Variants in ABCA7 observed in about 807,000 individuals in gnomAD.
The protein encoded by ABCA7 is phospholipid-transporting ATPase ABCA7.
ABCA7 carries 261 observed loss-of-function variants against 227.6 expected under a neutral mutation model. That is an observed-to-expected ratio of 1.15 (90% CI 1.04 to 1.27). The LOEUF is 1.27. ABCA7 is among the 50% of genes most tolerant of loss of function. The probability of loss-of-function intolerance (pLI) is 0.00; values close to 1 mark genes in which losing one functional copy is unlikely to be tolerated. For synonymous variants in ABCA7, 1,488 were observed against 1,279.7 expected (o/e 1.16, Z -3.47); for missense variants, 3,331 against 2,924.5 (o/e 1.14, Z -3.21).
intron 35 of ABCA7, 112 bp downstream of exon 35, chr19:1,057,541 C>A: frequency 9.2e-7 from 1 of 1,090,800 alleles, no homozygotes; most frequent in Non-Finnish European, 1.4e-6. Flanking sequence ...ATATGGAGGT[C>A]TGAGGTGATG....
intron 16 of ABCA7, 86 bp from the exon 17 acceptor site, chr19:1,048,808 CA>C (rs375803635): frequency 0.051 from 25,145 of 490,208 alleles, 6 homozygotes; most frequent in Middle Eastern, 0.077. Context: ...GACTCCGTCT[CA>C]AAAAAAAAAA....
At position 1,054,767 on chromosome 19, in the gene ABCA7, C is replaced by T. The variant is rs1324020593; in HGVS notation, c.3852-13C>T. 1.9e-6 allele frequency: 3 copies of T among 1,607,504 alleles called. No homozygotes were observed. Among genetic ancestry groups the T allele is most frequent in the South Asian group, 1.1e-5 (1 of 90,378 alleles). ...GGGTACAGCCCTGACCCTACATCTCCCCTCACACACAGTGAGGACGCCCCA... is the reference window on the plus strand; with the variant it reads ...GGGTACAGCCCTGACCCTACATCTCTCCTCACACACAGTGAGGACGCCCCA... On this transcript the variant is annotated splice_polypyrimidine_tract_variant and intron_variant, in intron 28 of 46. Coordinates refer to ENST00000263094, the MANE Select transcript of ABCA7 (RefSeq NM_019112.4). This position sits in a 1 kb window ranked among gnomAD's most constrained non-coding sequence, Gnocchi z 4.8.
chr19:1,047,766 G>A, intron 16 of ABCA7, 112 bp downstream of exon 16: 5 of 1,241,424 alleles, frequency 4.0e-6, no homozygotes, highest in Non-Finnish European at 5.4e-6. Flanking sequence ...TATTCCCTTG[G>A]AGAGAAGGCG....
In ABCA7 at chr19:1,041,918, C is replaced by G; in HGVS notation, c.248C>G (p.Pro83Arg). 1 of 1,600,564 alleles carries G rather than the reference C, an allele frequency of 6.2e-7. No individual in the cohort carries two copies. The highest frequency in any genetic ancestry group is 8.5e-7 in the Non-Finnish European group (1 of 1,178,126). ...LICNVNNTCF[P>R]QLTPGEEPGR... is the part of the protein sequence containing the mutation. ...TGTAATGTGAACAACACCTGCTTTCCGCAGCTGACACCGGGCGAGGAGCCC... is the reference window on the plus strand; with the variant it reads ...TGTAATGTGAACAACACCTGCTTTCGGCAGCTGACACCGGGCGAGGAGCCC... The change falls in exon 4 of 47, where the codon CCG becomes CGG. Residue 83 changes from proline (P) to arginine (R), a missense_variant. By Grantham distance (103) the Pro-to-Arg change is moderately radical. Coordinates refer to ENST00000263094, the MANE Select transcript of ABCA7 (RefSeq NM_019112.4).
Position 1,051,301 on chromosome 19 carries a change from C to G in ABCA7, c.2824+7C>G. On this transcript the variant is annotated splice_region_variant and intron_variant, in intron 20 of 46. Coordinates refer to ENST00000263094, the MANE Select transcript of ABCA7 (RefSeq NM_019112.4). The stretch of plus-strand genomic sequence containing the variant: ...CAGACTCGCCACCTCTCTGGTGAGC[C>G]CATCCCCAAGGGAGGTCACCTCACA... 4 of 1,590,334 alleles carry G rather than the reference C, an allele frequency of 2.5e-6. No individual in the cohort carries two copies. The highest frequency in any genetic ancestry group is 3.4e-6 in the Non-Finnish European group (4 of 1,167,938).
chr19:1,050,085 C>T (rs2041404505), intron 18 of ABCA7, among the ~76,000 whole-genome samples: 1 of 150,766 alleles, frequency 6.6e-6, no homozygotes, highest in African/African-American at 2.4e-5. Context: ...CGCCACTGCA[C>T]TCCAGCTTGG....
chr19:1,049,060 C>A (rs1047459774), intron 17 of ABCA7, 55 bp downstream of exon 17: 3 of 1,037,582 alleles, frequency 2.9e-6, no homozygotes, highest in Non-Finnish European at 2.8e-6. Flanking sequence ...AGTTCCCCCC[C>A]AAAACGAGAT....
At chr19:1,052,461 G>GAGTA (rs2041760909) in intron 23 of ABCA7, among the ~76,000 whole-genome samples, 175 bp downstream of exon 23, 1 of 2,624 alleles carries the variant, frequency 3.8e-4, no homozygotes, top group South Asian at 6.8e-3. Context: ...GGAAGGGGAG[G>GAGTA]CGAAGGGGAG....
In ABCA7 at chr19:1,065,126, G is replaced by C; in HGVS notation, c.6240G>C (p.Glu2080Asp). The change falls in exon 46 of 47, where the codon GAG (glutamate) becomes GAC (aspartate). Residue 2080 changes from glutamate (E) to aspartate (D), a missense_variant. Glu to Asp is a conservative substitution (Grantham distance 45, BLOSUM62 2). Coordinates refer to ENST00000263094, the MANE Select transcript of ABCA7 (RefSeq NM_019112.4). ...VFGELAVHGA[E>D]HGVEDFSVSQ... is the part of the protein sequence containing the mutation. Reference sequence around the variant, plus strand: ...GAGAGCTGGCGGTGCACGGCGCAGAGCACGGCGTGGAGGACTTTTCCGTGA... The same window carrying C: ...GAGAGCTGGCGGTGCACGGCGCAGACCACGGCGTGGAGGACTTTTCCGTGA... 1 of 1,591,362 alleles carries C rather than the reference G, an allele frequency of 6.3e-7. No individual in the cohort carries two copies. The highest frequency in any genetic ancestry group is 8.6e-7 in the Non-Finnish European group (1 of 1,167,946).
chr19:1,058,407 C>A, intron 37 of ABCA7, 138 bp downstream of exon 37: 1 of 1,445,606 alleles, frequency 6.9e-7, no homozygotes, highest in Non-Finnish European at 9.1e-7. Flanking sequence ...AAGGTTGGGC[C>A]AAGTTGGAGG....
chr19:1,046,194 C>A, intron 12 of ABCA7, 36 bp from the exon 13 acceptor site: 1 of 1,598,776 alleles, frequency 6.3e-7, no homozygotes, highest in South Asian at 1.1e-5. Context: ...AGTTTCTAGC[C>A]CTTCCCTACA....
In ABCA7 at chr19:1,060,214, TTTC is replaced by T. The variant is rs1414036648; in HGVS notation, c.5463+1132_5463+1134del. On this transcript the variant is annotated intron_variant, in intron 40 of 46. Coordinates refer to ENST00000263094, the MANE Select transcript of ABCA7 (RefSeq NM_019112.4). ...ATTGCAGTATATATATATATTTTTT[TTTC>T]TTTTTTTTTCTTTTGAGATGGAGTC... Among the ~76,000 whole-genome samples, 9 of 145,762 alleles carry T rather than the reference TTTC, an allele frequency of 6.2e-5. 1 individual carries two copies. Among genetic ancestry groups the T allele is most frequent in the African/African-American group, 2.5e-4 (9 of 36,494 alleles).
chr19:1,045,356 GGT>G, intron 12 of ABCA7, 125 bp downstream of exon 12: 1 of 1,016,436 alleles, frequency 9.8e-7, no homozygotes, highest in Non-Finnish European at 1.4e-6. Context: ...TATCAACAGT[GGT>G]ATGGTAGCCA....
At chr19:1,055,753 T>C (rs1482658127) in intron 30 of ABCA7, among the ~76,000 whole-genome samples, 154 bp from the exon 31 acceptor site, 3 of 152,074 alleles carry the variant, frequency 2.0e-5, no homozygotes, top group Non-Finnish European at 4.4e-5. Flanking sequence ...CCACCCGCCT[T>C]GGCCTCCCAA....
chr19:1,047,087 G>C, intron 14 of ABCA7, 63 bp downstream of exon 14: 1 of 1,552,934 alleles, frequency 6.4e-7, no homozygotes, highest in Non-Finnish European at 8.7e-7. Flanking sequence ...AGACAGGGGC[G>C]GCCCCACGTG....
At chr19:1,063,459 ACT>A in intron 42 of ABCA7, 83 bp from the exon 43 acceptor site, 1 of 1,527,318 alleles carries the variant, frequency 6.5e-7, no homozygotes, top group Admixed American at 1.9e-5. Flanking sequence ...CCTGCTCCAC[ACT>A]CAATGCTGGC....
In ABCA7 at chr19:1,051,927, G is replaced by T. The variant is rs111901794; in HGVS notation, c.2963-15G>T. On this transcript the variant is annotated splice_polypyrimidine_tract_variant and intron_variant, in intron 21 of 46. Coordinates refer to ENST00000263094, the MANE Select transcript of ABCA7 (RefSeq NM_019112.4). ...GCGGCCTGATGGTAGTTGTGGGTTG[G>T]TCCCCCGTGCCTAGGTCGCACGCTG... 4,645 of 1,607,460 alleles carry T rather than the reference G, an allele frequency of 2.9e-3. 107 individuals are homozygous for T. The African/African-American group carries it at 0.054, about 19-fold the overall frequency.
At position 1,054,728 on chromosome 19, in the gene ABCA7, G is replaced by A. The variant is rs1352894345; in HGVS notation, c.3851+34G>A. On this transcript the variant is annotated intron_variant, in intron 28 of 46. Coordinates refer to ENST00000263094, the MANE Select transcript of ABCA7 (RefSeq NM_019112.4). This position sits in a 1 kb window ranked among gnomAD's most constrained non-coding sequence, Gnocchi z 4.8. Reference sequence around the variant, plus strand: ...AGAAGGAAGGGGCTGGTGGCAGGAAGACTAGGGACCTGGGGGTACAGCCCT... The same window carrying A: ...AGAAGGAAGGGGCTGGTGGCAGGAAAACTAGGGACCTGGGGGTACAGCCCT... 1.2e-6 allele frequency: 2 copies of A among 1,608,046 alleles called. No individual in the cohort carries two copies. The highest frequency in any genetic ancestry group is 2.2e-5 in the East Asian group (1 of 44,688).
rs949890542 is a variant in ABCA7, at chr19:1,051,461, G to A, written c.2837G>A (p.Arg946Gln). ...CCATCTCTACCAGGTGGGATGCAAC[G>A]GAAGCTGTCCGTGGCCATTGCCTTT... is the stretch of plus-strand genomic sequence containing the variant. ...QTRHLSGGMQRKLSVAIAFVG... is the reference protein window; with the variant it reads ...QTRHLSGGMQQKLSVAIAFVG... The change falls in exon 21 of 47, where the codon CGG (arginine) becomes CAG (glutamine). Residue 946 changes from arginine to glutamine, a missense_variant. Coordinates refer to ENST00000263094, the MANE Select transcript of ABCA7 (RefSeq NM_019112.4). 5 of 1,580,488 alleles carry A rather than the reference G, an allele frequency of 3.2e-6. No individual in the cohort carries two copies. Among genetic ancestry groups the A allele is most frequent in the African/African-American group, 1.4e-5 (1 of 71,910 alleles).
Sources: gnomAD v4.1 joint callset for allele counts (sites outside exome capture counted in the v4.1 genomes callset) on GRCh38, gnomAD v4.1.1 for gene constraint, Gnocchi (gnomAD v3.1) non-coding constraint, MANE v1.5 for transcripts, NCBI Gene and HGNC (gene_info 2026-07-23, HGNC 2026-07-21) for gene names.